CAPN14: variants seen among roughly 807,000 people sequenced by gnomAD.
CAPN14 encodes calpain 14, also known as calpain-14.
Under a neutral mutation model 101.3 loss-of-function variants are expected in CAPN14, and 94 were observed. The ratio of observed to expected loss-of-function variants is 0.93; its 90% confidence interval spans 0.79 to 1.10. The LOEUF is 1.10. Among genes scored for constraint, CAPN14 ranks in the 50% least tolerant of loss-of-function variants. The pLI, the probability that CAPN14 is intolerant of heterozygous loss-of-function variation, is 0.00. For missense variants in CAPN14, 837 were observed against 828.4 expected (o/e 1.01, Z -0.13); for synonymous variants, 338 against 317.9 (o/e 1.06, Z -0.67).
intron 17 of CAPN14, among the ~76,000 whole-genome samples, chr2:31,180,319 T>C (rs929380587): frequency 2.6e-5 from 4 of 152,240 alleles, no homozygotes; most frequent in African/African-American, 7.2e-5. Flanking sequence ...TTCTGCAGAC[T>C]GTTTTTGTCT....
intron 1 of CAPN14, among the ~76,000 whole-genome samples, chr2:31,206,033 TA>T (rs766010411): frequency 0.038 from 4,692 of 124,172 alleles, 253 homozygotes; most frequent in South Asian, 0.077. Flanking sequence ...TTTTTTTATT[TA>T]TTTATTTTTT....
At chr2:31,211,657 G>A (rs1682407257) in intron 1 of CAPN14, among the ~76,000 whole-genome samples, 1 of 118,888 alleles carries the variant, frequency 8.4e-6, no homozygotes, top group Non-Finnish European at 1.7e-5. Context: ...TATTAAATGA[G>A]CACGTGTGCA....
At chr2:31,231,386 T>C (rs1230292346) in intron 1 of CAPN14, among the ~76,000 whole-genome samples, 2 of 152,084 alleles carry the variant, frequency 1.3e-5, no homozygotes, top group Non-Finnish European at 2.9e-5. Context: ...CTCTCCCATT[T>C]ACTTAGAACT....
At chr2:31,211,239 A>G (rs1356081706) in intron 1 of CAPN14, among the ~76,000 whole-genome samples, 1 of 96,762 alleles carries the variant, frequency 1.0e-5, no homozygotes, top group East Asian at 8.2e-4. Flanking sequence ...AGAAAGAAAA[A>G]GAGAGAAAGA....
In CAPN14 at chr2:31,186,423, C is replaced by G. The variant is rs1680902069; in HGVS notation, c.1645+5G>C. ...AGTCCTACAGAATGGCTCTAAAACA[C>G]TTACTTGACCAGGTCATCTGGTTCA... On this transcript the variant is annotated splice_donor_5th_base_variant and intron_variant, in intron 16 of 21. Transcript: ENST00000403897. The G allele has an allele frequency of 6.5e-7, 1 of 1,547,768 alleles. No homozygotes were observed. The highest frequency in any genetic ancestry group is 8.7e-7 in the Non-Finnish European group (1 of 1,145,190).
intron 21 of CAPN14, among the ~76,000 whole-genome samples, chr2:31,175,383 C>T (rs1355920337): frequency 1.3e-5 from 2 of 152,178 alleles, no homozygotes; most frequent in Non-Finnish European, 2.9e-5. Flanking sequence ...TGCCTAAGGC[C>T]CCACAGCTAA....
At chr2:31,210,837 C>T (rs13407254) in intron 1 of CAPN14, among the ~76,000 whole-genome samples, 8,650 of 152,186 alleles carry the variant, frequency 0.057, 294 homozygotes, top group African/African-American at 0.087. Context: ...TATACAAGAA[C>T]GTATTTAGTT....
Position 31,193,167 on chromosome 2 carries a change from G to C in CAPN14, c.1078C>G (p.Arg360Gly), listed in dbSNP as rs369874328. 3.9e-6 allele frequency: 6 copies of C among 1,551,206 alleles called. No homozygotes were observed. The South Asian group carries it at 7.1e-5, about 18-fold the overall frequency. ...YTMREGRWEKRSTAGGQRQLL... is the reference protein window; with the variant it reads ...YTMREGRWEKGSTAGGQRQLL... ...TGCCTCTGGCCACCAGCTGTGCTCC[G>C]CTTCTCCCATCTCCCCTCCCGCATG... The change falls in exon 10 of 22, where the codon CGG (arginine) becomes GGG (glycine). Residue 360 changes from arginine to glycine, a missense_variant. Physicochemically the swap from Arg to Gly is moderately radical, Grantham distance 125 (BLOSUM62 -2). Transcript: ENST00000403897.
At chr2:31,228,238 G>A (rs1020326763) in intron 1 of CAPN14, 1 of 152,360 alleles carries the variant, frequency 6.6e-6, no homozygotes, top group African/African-American at 2.4e-5. Flanking sequence ...TTGTATTCCA[G>A]GTTGCTGCTA....
Position 31,200,454 on chromosome 2 carries a change from T to C in CAPN14, c.723A>G (p.Ser241=), listed in dbSNP as rs761139442. 1.3e-6 allele frequency: 2 copies of C among 1,548,830 alleles called. No homozygotes were observed. The highest frequency in any genetic ancestry group is 2.4e-5 in the South Asian group (2 of 83,788). ...GCCAGTGGCAGCCCAGTCTCACCCCTGAGTGGGTCTGGCAGCCAATGAGGG... is the reference window on the plus strand; with the variant it reads ...GCCAGTGGCAGCCCAGTCTCACCCCCGAGTGGGTCTGGCAGCCAATGAGGG... ...NRTLIGCQTH[S]GEKILENGLV... Residue 241 remains serine, a synonymous_variant, in exon 6 of 22, where the codon TCA becomes TCG. Transcript: ENST00000403897.
rs1038448264 is a variant in CAPN14 at position 31,230,716 on chromosome 2, A to G, written c.-177+3075T>C. On this transcript the variant is annotated intron_variant and NMD_transcript_variant, in intron 1 of 21. Transcript: ENST00000398824. This position sits in a 1 kb window ranked among gnomAD's most constrained non-coding sequence, Gnocchi z 4.3. ...GAATGTTTGTCTTTGTTATCGATGC[A>G]CAGCCATTAGTTCTATATTCTGGAT... 6.6e-6 allele frequency among the ~76,000 whole-genome samples: 1 copy of G among 152,200 alleles called. No individual in the cohort carries two copies. Among genetic ancestry groups the G allele is most frequent in the African/African-American group, 2.4e-5 (1 of 41,452 alleles).
intron 7 of CAPN14, 26 bp from the exon 8 acceptor site, chr2:31,197,360 G>A: frequency 6.8e-7 from 1 of 1,481,424 alleles, no homozygotes; most frequent in Admixed American, 2.0e-5. Context: ...GGCAGTTTAG[G>A]TGACTGGGCT....
intron 8 of CAPN14, among the ~76,000 whole-genome samples, chr2:31,194,860 G>A (rs539081864): frequency 3.9e-5 from 6 of 152,308 alleles, no homozygotes; most frequent in Non-Finnish European, 7.3e-5. Context: ...GGCCATGAAG[G>A]AGTAAGACTG....
At chr2:31,223,542 CT>C (rs35488335) in intron 2 of CAPN14, among the ~76,000 whole-genome samples, 153 of 132,032 alleles carry the variant, frequency 1.2e-3, no homozygotes, top group East Asian at 1.5e-3. Flanking sequence ...TTTTTCTTTT[CT>C]TTTTTTTTTT....
At chr2:31,212,901 C>T (rs907613964) in intron 1 of CAPN14, among the ~76,000 whole-genome samples, 12 of 152,202 alleles carry the variant, frequency 7.9e-5, no homozygotes, top group African/African-American at 2.9e-4. Flanking sequence ...AGAACTCTGG[C>T]ATCTTGCCAC....
Position 31,201,171 on chromosome 2 carries a change from G to A in CAPN14, c.552-546C>T, listed in dbSNP as rs556346957. Among the ~76,000 whole-genome samples the A allele has an allele frequency of 4.7e-4, 67 of 143,878 alleles. No homozygotes were observed. The South Asian group carries it at 0.013, about 27-fold the overall frequency. The allele number at this position is 143,878 out of a possible 152,430, so 94.4% of individuals were successfully genotyped here. On this transcript the variant is annotated intron_variant, in intron 5 of 21. Transcript: ENST00000403897. ...TGTGTGCATGTGCGTATGTGTGTGC[G>A]TGCATGTATGTGCATGTGTGTGTGC...
At chr2:31,202,296 C>T (rs201740461) in intron 3 of CAPN14, 44 bp from the exon 4 acceptor site, 77 of 1,457,980 alleles carry the variant, frequency 5.3e-5, no homozygotes, top group Non-Finnish European at 7.5e-6. Context: ...CTACTGGGGA[C>T]TTTATGACTG....
At chr2:31,178,641 G>T in intron 17 of CAPN14, 62 bp from the exon 18 acceptor site, 1 of 1,103,302 alleles carries the variant, frequency 9.1e-7, no homozygotes, top group South Asian at 1.7e-5. Context: ...TGGAGGCAGT[G>T]ATCAGCCCTC....
At chr2:31,219,492 T>C (rs1682796664), upstream of CAPN14, among the ~76,000 whole-genome samples, 1 of 152,162 alleles carries the variant, frequency 6.6e-6, no homozygotes, top group Admixed American at 6.5e-5. Flanking sequence ...CAGAAGTGGG[T>C]TGGCAAGTTT....
Sources: allele counts gnomAD v4.1 joint callset (sites outside exome capture counted in the v4.1 genomes callset), GRCh38; gene constraint gnomAD v4.1.1; non-coding constraint Gnocchi (gnomAD v3.1); transcripts MANE v1.5; gene names NCBI Gene and HGNC (gene_info 2026-07-23, HGNC 2026-07-21).